C3AR1: variants seen among roughly 807,000 people sequenced by gnomAD.
The protein encoded by C3AR1 is C3a anaphylatoxin chemotactic receptor.
For missense variants in C3AR1, 579 were observed against 583.5 expected (o/e 0.99, Z 0.08); for synonymous variants, 208 against 225.3 (o/e 0.92, Z 0.69).
Position 8,058,761 on chromosome 12 carries a change from T to A in C3AR1, c.1425A>T (p.Ser475=). The A allele has an allele frequency of 6.2e-7, 1 of 1,612,292 alleles. No individual in the cohort carries two copies. The highest frequency in any genetic ancestry group is 8.5e-7 in the Non-Finnish European group (1 of 1,178,896). The change falls in exon 2 of 2, where the codon TCA becomes TCT. Residue 475 remains serine (S), a synonymous_variant. Coordinates refer to ENST00000307637, the MANE Select transcript of C3AR1 (RefSeq NM_004054.4). ...TTCACACAGTTGTACTATTTCTTTC[T>A]GAAATGACATTGTTTGAGGGACAGT... is the stretch of plus-strand genomic sequence containing the variant. ...STHCPSNNVI[S]ERNSTTV
rs1462331807 is a variant in C3AR1 at position 8,057,566 on chromosome 12, TA to T, written c.*1170del. 6.6e-6 allele frequency among the ~76,000 whole-genome samples: 1 copy of T among 152,154 alleles called. No individual in the cohort carries two copies. The highest frequency in any genetic ancestry group is 1.5e-5 in the Non-Finnish European group (1 of 68,026). ...GAGGGAACTTTTGGGCACAGTGAGG[TA>T]GGAGACCTCATATTTCATTATATAC... is the stretch of plus-strand genomic sequence containing the variant. On this transcript the variant is annotated 3_prime_UTR_variant, in exon 2 of 2. Coordinates refer to ENST00000307637, the MANE Select transcript of C3AR1 (RefSeq NM_004054.4).
rs1359919865 is a variant in C3AR1, at chr12:8,059,600, A to T, written c.586T>A (p.Ser196Thr). 3.7e-6 allele frequency: 6 copies of T among 1,613,974 alleles called. No homozygotes were observed. The highest frequency in any genetic ancestry group is 5.1e-6 in the Non-Finnish European group (6 of 1,180,018). Residue 196 changes from serine to threonine, a missense_variant, in exon 2 of 2, where the codon TCT (serine) becomes ACT (threonine). Physicochemically the swap from Ser to Thr is moderately conservative, Grantham distance 58. Coordinates refer to ENST00000307637, the MANE Select transcript of C3AR1 (RefSeq NM_004054.4). Reference protein sequence around the residue: ...DFYGDPLENRSLENIVQPPGE... With the variant: ...DFYGDPLENRTLENIVQPPGE... ...GGCGGCTGAACAATGTTTTCAAGAGACCTGTTTTCTAGTGGATCTCCATAA... is the reference window on the plus strand; with the variant it reads ...GGCGGCTGAACAATGTTTTCAAGAGTCCTGTTTTCTAGTGGATCTCCATAA...
Position 8,058,322 on chromosome 12 carries a change from G to C in C3AR1, c.*415C>G, listed in dbSNP as rs1947215920. On this transcript the variant is annotated 3_prime_UTR_variant, in exon 2 of 2. Coordinates refer to ENST00000307637, the MANE Select transcript of C3AR1 (RefSeq NM_004054.4). ...TTTTAAATGGAATCTGGAAGACTTAGACAATGCTAAGGAAAAATTTAATGA... is the reference window on the plus strand; with the variant it reads ...TTTTAAATGGAATCTGGAAGACTTACACAATGCTAAGGAAAAATTTAATGA... The C allele has an allele frequency of 6.2e-6, 1 of 161,022 alleles. No homozygotes were observed. The highest frequency in any genetic ancestry group is 2.4e-5 in the African/African-American group (1 of 41,562). The allele number at this position is 161,022 out of a possible 1,614,324, so 10.0% of individuals were successfully genotyped here. A position where few individuals can be genotyped will look rare whatever the true frequency, so the allele number is the denominator to read the frequency against.
At position 8,059,035 on chromosome 12, in the gene C3AR1, G is replaced by GCCA. The variant is rs988981035; in HGVS notation, c.1148_1150dup (p.Val383dup). Reference sequence around the variant, plus strand: ...TGGAGTCCAGCAGACAAGAAAGACAGCCACCACCACCACGGCCACTCGAAA... The same window carrying GCCA: ...TGGAGTCCAGCAGACAAGAAAGACAGCCACCACCACCACCACGGCCACTCGAAA... On this transcript the variant is annotated inframe_insertion, in exon 2 of 2. Transcript: ENST00000307637. 1.2e-6 allele frequency: 2 copies of GCCA among 1,614,166 alleles called. No individual in the cohort carries two copies. The highest frequency in any genetic ancestry group is 1.3e-5 in the African/African-American group (1 of 75,050).
At position 8,060,110 on chromosome 12, in the gene C3AR1, A is replaced by G; in HGVS notation, c.76T>C (p.Ser26Pro). ...AAAGTAAGGCTGAGAATGACCATGG[A>G]GAGAATTACTGGGGGCTCATTCCAT... ...QPWNEPPVIL[S>P]MVILSLTFLL... The change falls in exon 2 of 2, where the codon TCC becomes CCC. Residue 26 changes from serine to proline, a missense_variant. Ser to Pro is a moderately conservative substitution (Grantham distance 74, BLOSUM62 -1). Transcript: ENST00000307637. 6.2e-7 allele frequency: 1 copy of G among 1,614,126 alleles called. No homozygotes were observed. The highest frequency in any genetic ancestry group is 1.1e-5 in the South Asian group (1 of 91,084).
At chr12:8,060,293 T>A in intron 1 of C3AR1, 98 bp from the exon 2 acceptor site, 2 of 1,027,556 alleles carry the variant, frequency 1.9e-6, no homozygotes, top group Non-Finnish European at 2.9e-6. Context: ...AGATGTGGGA[T>A]CATGAAACCA....
rs1440508712 is a variant in C3AR1, at chr12:8,058,931, C to T, written c.1255G>A (p.Val419Ile). 2 of 1,614,054 alleles carry T rather than the reference C, an allele frequency of 1.2e-6. No homozygotes were observed. Among genetic ancestry groups the T allele is most frequent in the African/African-American group, 1.3e-5 (1 of 74,928 alleles). The change falls in exon 2 of 2, where the codon GTA becomes ATA. Residue 419 changes from valine to isoleucine, a missense_variant. Physicochemically the swap from Val to Ile is conservative, Grantham distance 29. Transcript: ENST00000307637. ...LGKTLMSWDH[V>I]CIALASANSC... ...TTGGCAGATGCTAGAGCAATGCATA[C>T]ATGATCCCAGGACATCAGAGTTTTC...
rs988637747 is a variant in C3AR1 at position 8,057,700 on chromosome 12, G to A, written c.*1037C>T. 5.3e-5 allele frequency among the ~76,000 whole-genome samples: 8 copies of A among 152,288 alleles called. No homozygotes were observed. The highest frequency in any genetic ancestry group is 3.9e-4 in the East Asian group (2 of 5,188). On this transcript the variant is annotated 3_prime_UTR_variant, in exon 2 of 2. Transcript: ENST00000307637. ...AATTTTGGCATGTAAGTTGCCTGTC[G>A]TCATGTTTTAAAATGTGATGGCAAG...
At chr12:8,063,928 T>A (rs759461361) in intron 1 of C3AR1, among the ~76,000 whole-genome samples, 4 of 151,990 alleles carry the variant, frequency 2.6e-5, no homozygotes, top group Non-Finnish European at 5.9e-5. Flanking sequence ...AAAAATTAGC[T>A]GGGTGTGGTA....
chr12:8,059,021 A>G lies in C3AR1; in HGVS notation c.1165T>C (p.Cys389Arg), dbSNP rs1191387641. 6.2e-7 allele frequency: 1 copy of G among 1,614,100 alleles called. No individual in the cohort carries two copies. The highest frequency in any genetic ancestry group is 1.7e-5 in the Admixed American group (1 of 60,004). The change falls in exon 2 of 2, where the codon TGC (cysteine) becomes CGC (arginine). Residue 389 changes from cysteine to arginine, a missense_variant. Physicochemically the swap from Cys to Arg is radical, Grantham distance 180. Transcript: ENST00000307637. ...AVVVVAVFLV[C>R]WTPYHIFGVL... is the part of the protein sequence containing the mutation. ...CCAAAAATGTGGTATGGAGTCCAGC[A>G]GACAAGAAAGACAGCCACCACCACC... is the stretch of plus-strand genomic sequence containing the variant.
At chr12:8,062,019 C>T (rs1344391708) in intron 1 of C3AR1, among the ~76,000 whole-genome samples, 1 of 152,206 alleles carries the variant, frequency 6.6e-6, no homozygotes, top group Non-Finnish European at 1.5e-5. Context: ...AGTGGAATCA[C>T]ACAGTATTTG....
chr12:8,057,190 T>C lies in C3AR1; in HGVS notation c.*1547A>G, dbSNP rs141812559. On this transcript the variant is annotated 3_prime_UTR_variant, in exon 2 of 2. Transcript: ENST00000307637. ...TTCAGACGTTTGACACAAACATTTA[T>C]ATATACAGAAAAATGAGAAGGTGGT... Among the ~76,000 whole-genome samples the C allele has an allele frequency of 3.8e-4, 58 of 152,300 alleles. No homozygotes were observed. The East Asian group carries it at 0.011, about 28-fold the overall frequency.
chr12:8,059,970 G>T lies in C3AR1; in HGVS notation c.216C>A (p.Cys72Ter), dbSNP rs777136865. ...GAGCCAGCGAGAAGGGCAAGGAGAG[G>T]CAGCAGAGGAGGTCCGCCAAGGTGA... is the stretch of plus-strand genomic sequence containing the variant. ...LHLTLADLLC[C>*]LSLPFSLAHL... is the part of the protein sequence containing the mutation. Residue 72 changes from cysteine (C) to a stop codon, truncating the protein, a stop_gained, in exon 2 of 2, where the codon TGC (cysteine) becomes TGA (stop). Transcript: ENST00000307637. LOFTEE classifies it low-confidence loss of function (END_TRUNC). The T allele has an allele frequency of 6.2e-7, 1 of 1,614,152 alleles. No individual in the cohort carries two copies. The highest frequency in any genetic ancestry group is 1.1e-5 in the South Asian group (1 of 91,078).
intron 1 of C3AR1, among the ~76,000 whole-genome samples, chr12:8,064,983 G>A (rs952776989): frequency 2.0e-5 from 3 of 151,866 alleles, no homozygotes; most frequent in African/African-American, 7.3e-5. Flanking sequence ...CAGTGTGCTG[G>A]GGTTACAGAC....
rs1947329989 is a variant in C3AR1, at chr12:8,066,270, T to C, written c.-11+8A>G. On this transcript the variant is annotated splice_region_variant and intron_variant, in intron 1 of 1. Coordinates refer to ENST00000307637, the MANE Select transcript of C3AR1 (RefSeq NM_004054.4). ...CACAAGTCATCAGGTAGGTCTAGGT[T>C]TTCTTACCAAAAAACTGAGACAGTA... 1 of 152,104 alleles carries C rather than the reference T, an allele frequency of 6.6e-6. No individual in the cohort carries two copies. Among genetic ancestry groups the C allele is most frequent in the African/African-American group, 2.4e-5 (1 of 41,412 alleles). The allele number at this position is 152,104 out of a possible 1,614,324, so 9.4% of individuals were successfully genotyped here. A position where few individuals can be genotyped will look rare whatever the true frequency, so the allele number is the denominator to read the frequency against.
Position 8,058,665 on chromosome 12 carries a change from T to C in C3AR1, c.*72A>G, listed in dbSNP as rs1176460458. On this transcript the variant is annotated 3_prime_UTR_variant, in exon 2 of 2. Coordinates refer to ENST00000307637, the MANE Select transcript of C3AR1 (RefSeq NM_004054.4). ...TTTTTGAAGTCCGCTGCTCACCATA[T>C]CACTTCATCCTCTTATAAACTTTCA... 2.0e-6 allele frequency: 3 copies of C among 1,495,388 alleles called. No homozygotes were observed. The East Asian group carries it at 6.8e-5, about 34-fold the overall frequency. 92.6% of individuals were successfully genotyped at this position (1,495,388 alleles called of 1,614,324 possible). A position where few individuals can be genotyped will look rare whatever the true frequency, so the allele number is the denominator to read the frequency against.
intron 1 of C3AR1, among the ~76,000 whole-genome samples, chr12:8,062,121 C>T (rs1947280092): frequency 6.6e-6 from 1 of 152,178 alleles, no homozygotes; most frequent in Non-Finnish European, 1.5e-5. Context: ...CTTTTTAAGG[C>T]TGAATAATAT....
rs1947215088 is a variant in C3AR1 at position 8,058,272 on chromosome 12, A to G, written c.*465T>C. Reference sequence around the variant, plus strand: ...GCATTAGGATATATGATCATCTTTCACTCACGTAGGAGAACAAGAAATGGT... The same window carrying G: ...GCATTAGGATATATGATCATCTTTCGCTCACGTAGGAGAACAAGAAATGGT... On this transcript the variant is annotated 3_prime_UTR_variant, in exon 2 of 2. Coordinates refer to ENST00000307637, the MANE Select transcript of C3AR1 (RefSeq NM_004054.4). The G allele has an allele frequency of 6.4e-6, 1 of 156,384 alleles. No homozygotes were observed. Among genetic ancestry groups the G allele is most frequent in the South Asian group, 1.9e-4 (1 of 5,398 alleles). The allele number at this position is 156,384 out of a possible 1,614,324, so 9.7% of individuals were successfully genotyped here. A position where few individuals can be genotyped will look rare whatever the true frequency, so the allele number is the denominator to read the frequency against.
rs920629939 is a variant in C3AR1, at chr12:8,058,100, T to C, written c.*637A>G. ...CTCTATGTAATAGTGGAAATTTCTA[T>C]ATCCTGTACCCAGGGGTGTTCCCAG... On this transcript the variant is annotated 3_prime_UTR_variant, in exon 2 of 2. Coordinates refer to ENST00000307637, the MANE Select transcript of C3AR1 (RefSeq NM_004054.4). 6.6e-6 allele frequency among the ~76,000 whole-genome samples: 1 copy of C among 152,250 alleles called. No homozygotes were observed. The highest frequency in any genetic ancestry group is 2.4e-5 in the African/African-American group (1 of 41,464).
Sources: allele counts gnomAD v4.1 joint callset (sites outside exome capture counted in the v4.1 genomes callset), GRCh38; gene constraint gnomAD v4.1.1; transcripts MANE v1.5; gene names NCBI Gene and HGNC (gene_info 2026-07-23, HGNC 2026-07-21).